The following DCDC2 variants were observed in gnomAD, a reference collection of about 807,000 sequenced individuals.
DCDC2 encodes doublecortin domain containing 2.
A neutral mutation model predicts 50.2 loss-of-function variants in DCDC2; 40 were observed. That is an observed-to-expected ratio of 0.80 (90% confidence interval 0.62 to 1.04). DCDC2 has a LOEUF of 1.04. Ranked by LOEUF, DCDC2 falls within the 50% of genes least tolerant of loss-of-function variation. The pLI is 0.00. For synonymous variants in DCDC2, 234 were observed against 210.6 expected (o/e 1.11, Z -0.96); for missense variants, 570 against 581.9 (o/e 0.98, Z 0.21).
chr6:24,221,034 G>A (rs146046357), intron 7 of DCDC2, among the ~76,000 whole-genome samples: 209 of 146,460 alleles, frequency 1.4e-3, no homozygotes, highest in African/African-American at 4.7e-3. Flanking sequence ...CACTCACCTC[G>A]TGGGGATGAC....
chr6:24,330,479 A>G (rs923792233), intron 2 of DCDC2, among the ~76,000 whole-genome samples: 3 of 152,234 alleles, frequency 2.0e-5, no homozygotes, highest in Admixed American at 6.5e-5. Context: ...CATTTTGTCT[A>G]GCTTCAAAAG....
chr6:24,380,257 C>A, the DCDC2 span, among the ~76,000 whole-genome samples: 1 of 152,096 alleles, frequency 6.6e-6, no homozygotes, highest in African/African-American at 2.4e-5. Flanking sequence ...CACAAATTAG[C>A]CTATAATATC....
chr6:24,180,002 C>A (rs985398928), intron 8 of DCDC2, among the ~76,000 whole-genome samples: 1 of 150,704 alleles, frequency 6.6e-6, no homozygotes, highest in Non-Finnish European at 1.5e-5. Flanking sequence ...AGGAGGCCAG[C>A]TTTCAGAGCC....
At chr6:24,180,639 C>T (rs1362082993) in intron 8 of DCDC2, among the ~76,000 whole-genome samples, 1 of 151,924 alleles carries the variant, frequency 6.6e-6, no homozygotes, top group African/African-American at 2.4e-5. Flanking sequence ...GTTAAGATCT[C>T]ATTATTGCCT....
the DCDC2 span, among the ~76,000 whole-genome samples, chr6:24,371,813 G>A: frequency 1.3e-5 from 2 of 152,064 alleles, no homozygotes; most frequent in African/African-American, 4.8e-5. Flanking sequence ...GTGGGCGAAG[G>A]ATATGAACAG....
chr6:24,221,170 T>G (rs1487633270), intron 7 of DCDC2, among the ~76,000 whole-genome samples: 2 of 152,144 alleles, frequency 1.3e-5, no homozygotes, highest in African/African-American at 4.8e-5. Context: ...GAGGGCACCT[T>G]GATTACCTGA....
At chr6:24,330,401 T>C (rs1050561488) in intron 2 of DCDC2, among the ~76,000 whole-genome samples, 2 of 152,148 alleles carry the variant, frequency 1.3e-5, no homozygotes, top group African/African-American at 2.4e-5. Context: ...AGTACAATAA[T>C]AAACCAAAGT....
chr6:24,304,748 A>C (rs567258200), intron 2 of DCDC2, among the ~76,000 whole-genome samples: 35 of 152,302 alleles, frequency 2.3e-4, no homozygotes, highest in African/African-American at 8.2e-4. Context: ...TGCTTTTTTA[A>C]TTTAATAATT....
upstream of DCDC2, among the ~76,000 whole-genome samples, chr6:24,362,875 A>G (rs1357387855): frequency 6.6e-6 from 1 of 152,192 alleles, no homozygotes. Flanking sequence ...GATATTTGCA[A>G]TCTCTCTCCC....
In DCDC2 at chr6:24,326,158, GAGGAAGGAAAGGA is replaced by G. The variant is rs891904476; in HGVS notation, c.349-24127_349-24115del. The stretch of plus-strand genomic sequence containing the variant: ...AAGAAGGAAAGAGAGGAAGGAAAGA[GAGGAAGGAAAGGA>G]AGGAAGGAAGGAAGGAAGGAAGAAA... On this transcript the variant is annotated intron_variant, in intron 2 of 9. Transcript: ENST00000378454. Among the ~76,000 whole-genome samples, 12 of 106,176 alleles carry G rather than the reference GAGGAAGGAAAGGA, an allele frequency of 1.1e-4. No homozygotes were observed. In the South Asian group the frequency reaches 3.9e-3, roughly 34 times the overall value. The allele number at this position is 106,176 out of a possible 152,430, so 69.7% of individuals were successfully genotyped here. A position where few individuals can be genotyped will look rare whatever the true frequency, so the allele number is the denominator to read the frequency against.
chr6:24,278,304 G>T, intron 6 of DCDC2, 93 bp from the exon 7 acceptor site: 1 of 1,156,150 alleles, frequency 8.6e-7, no homozygotes, highest in Non-Finnish European at 1.2e-6. Flanking sequence ...GGTAAGCAGG[G>T]CAGGGGCAGG....
intron 8 of DCDC2, among the ~76,000 whole-genome samples, chr6:24,194,897 G>C (rs1368969769): frequency 6.6e-6 from 1 of 152,174 alleles, no homozygotes; most frequent in Admixed American, 6.5e-5. Context: ...GCAAGAATGT[G>C]AACATTCTTC....
intron 2 of DCDC2, among the ~76,000 whole-genome samples, chr6:24,322,394 A>G (rs1315448463): frequency 1.3e-5 from 2 of 152,156 alleles, no homozygotes; most frequent in African/African-American, 4.8e-5. Context: ...TTTACCCTAA[A>G]ATATATTTCC....
intron 7 of DCDC2, among the ~76,000 whole-genome samples, chr6:24,219,061 T>C (rs145545083): frequency 6.6e-6 from 1 of 152,300 alleles, no homozygotes; most frequent in African/African-American, 2.4e-5. Flanking sequence ...TATTGAACTA[T>C]AATTTTTAAA....
intron 2 of DCDC2, among the ~76,000 whole-genome samples, chr6:24,321,115 G>T (rs1759767041): frequency 6.6e-6 from 1 of 151,932 alleles, no homozygotes; most frequent in Admixed American, 6.6e-5. Flanking sequence ...CCATACTGAT[G>T]CAAATAAATG....
intron 2 of DCDC2, 31 bp from the exon 3 acceptor site, chr6:24,302,075 C>G: frequency 1.3e-6 from 2 of 1,574,006 alleles, no homozygotes; most frequent in Non-Finnish European, 8.6e-7. Context: ...AAATATAAAC[C>G]ACTAAGCTTA....
intron 7 of DCDC2, among the ~76,000 whole-genome samples, chr6:24,272,566 C>CATTTTTCAAAATGTCT (rs1365742123): frequency 3.3e-5 from 5 of 152,110 alleles, no homozygotes; most frequent in Non-Finnish European, 5.9e-5. Context: ...CATCAATAGA[C>CATTTTTCAAAATGTCT]ATTTTTCAAA....
rs1269270861 is a variant in DCDC2 at position 24,174,423 on chromosome 6, C to T, written c.*307G>A. The T allele has an allele frequency of 5.2e-6, 1 of 193,886 alleles. No individual in the cohort carries two copies. The highest frequency in any genetic ancestry group is 2.4e-5 in the African/African-American group (1 of 41,480). 12.0% of individuals were successfully genotyped at this position (193,886 alleles called of 1,614,324 possible). A position where few individuals can be genotyped will look rare whatever the true frequency, so the allele number is the denominator to read the frequency against. Reference sequence around the variant, plus strand: ...CCTTCTAAACTTATAATAAAGCGTACAATAAGAGTGATCCTATTTTTCATC... The same window carrying T: ...CCTTCTAAACTTATAATAAAGCGTATAATAAGAGTGATCCTATTTTTCATC... On this transcript the variant is annotated 3_prime_UTR_variant, in exon 10 of 10. Coordinates refer to ENST00000378454, the MANE Select transcript of DCDC2 (RefSeq NM_016356.5).
rs185110081 is a variant in DCDC2, at chr6:24,220,521, C to A, written c.923-15419G>T. On this transcript the variant is annotated intron_variant, in intron 7 of 9. Coordinates refer to ENST00000378454, the MANE Select transcript of DCDC2 (RefSeq NM_016356.5). ...CTACATCTTCATTTTGCTCTGGACC[C>A]CACAAATTATGCAGTCAGCCCTGGA... Among the ~76,000 whole-genome samples, 779 of 152,264 alleles carry A rather than the reference C, an allele frequency of 5.1e-3. 1 individual carries two copies. Among genetic ancestry groups the A allele is most frequent in the Middle Eastern group, 0.01 (3 of 294 alleles).
Sources: allele counts gnomAD v4.1 joint callset (sites outside exome capture counted in the v4.1 genomes callset), GRCh38; gene constraint gnomAD v4.1.1; transcripts MANE v1.5; gene names NCBI Gene and HGNC (gene_info 2026-07-23, HGNC 2026-07-21).